The following PRR16 variants were observed in gnomAD, a reference collection of about 807,000 sequenced individuals.
PRR16 encodes the protein protein Largen.
PRR16 carries 6 observed loss-of-function variants against 18.2 expected under a neutral mutation model. That is an observed-to-expected ratio of 0.33 (90% confidence interval 0.18 to 0.65). The LOEUF is 0.65. PRR16 is among the 30% of genes least tolerant of loss of function. The pLI is 0.74. For synonymous variants in PRR16, 151 were observed against 147.8 expected (o/e 1.02, Z -0.16); for missense variants, 412 against 376.6 (o/e 1.09, Z -0.78).
chr5:120,791,584 C>CATCTATCTATCA, the PRR16 span, among the ~76,000 whole-genome samples: 2 of 127,392 alleles, frequency 1.6e-5, no homozygotes, highest in East Asian at 2.2e-4. Flanking sequence ...GAACTTCTAT[C>CATCTATCTATCA]ATCTATCTAT....
chr5:120,734,224 G>A, the PRR16 span, among the ~76,000 whole-genome samples: 2 of 152,148 alleles, frequency 1.3e-5, no homozygotes, highest in African/African-American at 4.8e-5. Flanking sequence ...GACCATCTGG[G>A]CTTCCCAGGG....
the PRR16 span, among the ~76,000 whole-genome samples, chr5:120,743,740 G>T: frequency 2.6e-5 from 4 of 152,014 alleles, no homozygotes; most frequent in African/African-American, 9.7e-5. Context: ...CTTATTAATT[G>T]AATTTGCTCT....
At chr5:120,704,717 T>G in the PRR16 span, among the ~76,000 whole-genome samples, 1 of 152,168 alleles carries the variant, frequency 6.6e-6, no homozygotes, top group Non-Finnish European at 1.5e-5. Context: ...ATCAGTAGGC[T>G]TCAAATGAAC....
chr5:120,551,933 G>T (rs370318836), intron 1 of PRR16, among the ~76,000 whole-genome samples: 7 of 151,898 alleles, frequency 4.6e-5, no homozygotes, highest in East Asian at 1.9e-4. Flanking sequence ...ATTCAGCTCA[G>T]GATATACAGA....
the PRR16 span, among the ~76,000 whole-genome samples, chr5:120,748,407 T>C: frequency 6.6e-6 from 1 of 152,112 alleles, no homozygotes; most frequent in Non-Finnish European, 1.5e-5. Flanking sequence ...TAACTTATTC[T>C]TTCATAAATT....
chr5:120,550,225 C>T (rs769170984), intron 1 of PRR16, among the ~76,000 whole-genome samples: 3 of 151,976 alleles, frequency 2.0e-5, no homozygotes, highest in Admixed American at 6.6e-5. Context: ...ATATGAAGTT[C>T]GAGACATCCC....
At chr5:120,744,866 A>T in the PRR16 span, among the ~76,000 whole-genome samples, 1 of 152,176 alleles carries the variant, frequency 6.6e-6, no homozygotes, top group Admixed American at 6.5e-5. Flanking sequence ...GTGGGAATCA[A>T]CTGAAACTAG....
intron 1 of PRR16, among the ~76,000 whole-genome samples, chr5:120,616,113 A>G (rs1754501818): frequency 6.6e-6 from 1 of 152,156 alleles, no homozygotes; most frequent in Non-Finnish European, 1.5e-5. Flanking sequence ...TCATTTCTGC[A>G]TTCCTAGTAC....
At chr5:120,785,791 C>T in the PRR16 span, among the ~76,000 whole-genome samples, 6 of 151,144 alleles carry the variant, frequency 4.0e-5, 1 homozygote, top group African/African-American at 1.5e-4. Flanking sequence ...AGGCTGGTCT[C>T]GAACTCCTGA....
At chr5:120,776,068 C>T in the PRR16 span, among the ~76,000 whole-genome samples, 7 of 152,206 alleles carry the variant, frequency 4.6e-5, no homozygotes, top group South Asian at 2.1e-4. Flanking sequence ...AAATGCAGGT[C>T]TAAGCTCCCT....
chr5:120,567,907 C>G (rs1752786899), intron 1 of PRR16, among the ~76,000 whole-genome samples: 1 of 152,126 alleles, frequency 6.6e-6, no homozygotes, highest in South Asian at 2.1e-4. Context: ...TGATTTATCA[C>G]TTTGGATCAG....
At chr5:120,779,027 C>CA in the PRR16 span, among the ~76,000 whole-genome samples, 2 of 152,158 alleles carry the variant, frequency 1.3e-5, no homozygotes, top group Non-Finnish European at 2.9e-5. Context: ...AAGGTACTCT[C>CA]ATTCCACCAT....
chr5:120,561,354 C>T (rs1221079343), intron 1 of PRR16, among the ~76,000 whole-genome samples: 1 of 151,868 alleles, frequency 6.6e-6, no homozygotes, highest in Non-Finnish European at 1.5e-5. Context: ...CAATTTTCTT[C>T]TTAATTTCTT....
In PRR16 at chr5:120,508,694, A is replaced by G. The variant is rs139113223; in HGVS notation, c.159+44049A>G. Among the ~76,000 whole-genome samples the G allele has an allele frequency of 3.7e-3, 569 of 152,268 alleles. 4 individuals are homozygous for G. The highest frequency in any genetic ancestry group is 0.013 in the African/African-American group (549 of 41,558). On this transcript the variant is annotated intron_variant, in intron 1 of 1. Transcript: ENST00000407149. Reference sequence around the variant, plus strand: ...TAATTAACAGAGACTTATTTGGATAACGTCATTCTGCAAATATTTTACATT... The same window carrying G: ...TAATTAACAGAGACTTATTTGGATAGCGTCATTCTGCAAATATTTTACATT...
chr5:120,673,844 A>T (rs897552295), intron 1 of PRR16, among the ~76,000 whole-genome samples: 2 of 151,632 alleles, frequency 1.3e-5, no homozygotes, highest in African/African-American at 4.8e-5. Context: ...AATCCCAACT[A>T]CTCAGGAGGT....
the PRR16 span, among the ~76,000 whole-genome samples, chr5:120,710,257 G>C: frequency 6.6e-6 from 1 of 152,072 alleles, no homozygotes; most frequent in Admixed American, 6.6e-5. Flanking sequence ...TAGCATCATA[G>C]CTCCAGGGGT....
the PRR16 span, among the ~76,000 whole-genome samples, chr5:120,774,535 A>T: frequency 2.0e-5 from 3 of 152,168 alleles, no homozygotes; most frequent in East Asian, 5.8e-4. Context: ...GCTACTGATC[A>T]TTCTACAGTT....
chr5:120,633,297 C>T (rs1411368423), intron 1 of PRR16, among the ~76,000 whole-genome samples: 1 of 152,030 alleles, frequency 6.6e-6, no homozygotes, highest in Non-Finnish European at 1.5e-5. Flanking sequence ...ACCTATGTAA[C>T]AATAACACAA....
intron 1 of PRR16, among the ~76,000 whole-genome samples, chr5:120,508,905 A>G (rs927057579): frequency 6.6e-6 from 1 of 152,106 alleles, no homozygotes; most frequent in Non-Finnish European, 1.5e-5. Flanking sequence ...GTCTGAAAAT[A>G]AATATTTATT....
Sources: allele counts gnomAD v4.1 joint callset (sites outside exome capture counted in the v4.1 genomes callset), GRCh38; gene constraint gnomAD v4.1.1; transcripts MANE v1.5; gene names NCBI Gene and HGNC (gene_info 2026-07-23, HGNC 2026-07-21).